The following DERA variants were observed in gnomAD, a reference collection of about 807,000 sequenced individuals.
DERA encodes the protein deoxyribose-phosphate aldolase.
In DERA, 15 loss-of-function variants were observed where a neutral mutation model predicts 41.1. The ratio of observed to expected loss-of-function variants is 0.37; its 90% CI spans 0.24 to 0.56. The LOEUF (loss-of-function observed/expected upper bound fraction) is 0.56, where lower values mean the gene tolerates loss of function less well. Among genes scored for constraint, DERA ranks in the 20% least tolerant of loss-of-function variants. The pLI, the probability that DERA is intolerant of heterozygous loss-of-function variation, is 0.81. For synonymous variants in DERA, 139 were observed against 137.4 expected (o/e 1.01, Z -0.08); for missense variants, 396 against 403.4 (o/e 0.98, Z 0.16).
intron 5 of DERA, among the ~76,000 whole-genome samples, chr12:15,979,062 A>C (rs1948716744): frequency 6.6e-6 from 1 of 152,218 alleles, no homozygotes; most frequent in Admixed American, 6.5e-5. Context: ...TACTCAGGAG[A>C]ATCCACATTT....
At chr12:15,974,158 G>C (rs965023060) in intron 5 of DERA, among the ~76,000 whole-genome samples, 2 of 152,066 alleles carry the variant, frequency 1.3e-5, no homozygotes, top group African/African-American at 4.8e-5. Context: ...AAATACTTCA[G>C]TGTGTATTTC....
rs977435862 is a variant in DERA, at chr12:15,972,806, C to T, written c.509-9502C>T. On this transcript the variant is annotated intron_variant, in intron 5 of 8. Coordinates refer to ENST00000428559, the MANE Select transcript of DERA (RefSeq NM_015954.4). This position sits in a 1 kb window ranked among gnomAD's most constrained non-coding sequence, Gnocchi z 4.4. ...AGGGATCAGTGGGAGTGGTGCGGGA[C>T]TCCACGATCTAGTGCTGGACTTGGA... Among the ~76,000 whole-genome samples, 48 of 152,098 alleles carry T rather than the reference C, an allele frequency of 3.2e-4. No individual in the cohort carries two copies. Among genetic ancestry groups the T allele is most frequent in the African/African-American group, 1.1e-3 (47 of 41,430 alleles).
intron 6 of DERA, among the ~76,000 whole-genome samples, chr12:16,025,253 A>G (rs1008586650): frequency 5.3e-5 from 8 of 152,156 alleles, no homozygotes; most frequent in African/African-American, 1.7e-4. Context: ...AAATATGCCA[A>G]TTAGAAGATA....
intron 6 of DERA, among the ~76,000 whole-genome samples, chr12:16,025,041 A>G (rs1949043978): frequency 6.6e-6 from 1 of 152,088 alleles, no homozygotes; most frequent in African/African-American, 2.4e-5. Flanking sequence ...TGAAAACTCT[A>G]GGGCAGTCAC....
rs1948176304 is a variant in DERA at position 15,913,109 on chromosome 12, G to T, written c.31+1695G>T. Reference sequence around the variant, plus strand: ...TGTGCCCTAAATTTCCCAAAACTTAGACATTTTAAATTTTTCTTTCAAAAA... The same window carrying T: ...TGTGCCCTAAATTTCCCAAAACTTATACATTTTAAATTTTTCTTTCAAAAA... On this transcript the variant is annotated intron_variant, in intron 1 of 8. Coordinates refer to ENST00000428559, the MANE Select transcript of DERA (RefSeq NM_015954.4). The surrounding 1 kb of genome is among the most constrained non-coding windows in gnomAD (Gnocchi z 4.5). 6.6e-6 allele frequency among the ~76,000 whole-genome samples: 1 copy of T among 152,106 alleles called. No homozygotes were observed. Among genetic ancestry groups the T allele is most frequent in the South Asian group, 2.1e-4 (1 of 4,820 alleles).
chr12:15,953,845 A>C (rs1948517299), intron 1 of DERA, among the ~76,000 whole-genome samples: 1 of 152,256 alleles, frequency 6.6e-6, no homozygotes, highest in African/African-American at 2.4e-5. Flanking sequence ...ATGAAATTAA[A>C]GAGTAGCAAA....
At chr12:16,022,606 T>C (rs1410937459) in intron 6 of DERA, among the ~76,000 whole-genome samples, 1 of 152,182 alleles carries the variant, frequency 6.6e-6, no homozygotes. Context: ...GTCACTCCTG[T>C]CCTTAGAGCA....
At chr12:16,023,976 A>G (rs1949036838) in intron 6 of DERA, among the ~76,000 whole-genome samples, 1 of 152,218 alleles carries the variant, frequency 6.6e-6, no homozygotes, top group Non-Finnish European at 1.5e-5. Flanking sequence ...GAAATGCTAG[A>G]AATCAGAAAC....
At chr12:16,027,643 C>T (rs1416127274) in intron 6 of DERA, among the ~76,000 whole-genome samples, 1 of 152,142 alleles carries the variant, frequency 6.6e-6, no homozygotes, top group Non-Finnish European at 1.5e-5. Context: ...CTAGAGTCTC[C>T]ACAGAGAGTA....
chr12:15,914,654 C>T (rs1238140525), intron 1 of DERA, among the ~76,000 whole-genome samples: 3 of 152,180 alleles, frequency 2.0e-5, no homozygotes, highest in Non-Finnish European at 4.4e-5. Context: ...TTGGAGGCGT[C>T]TGGAGAATGC....
In DERA at chr12:15,911,694, G is replaced by T. The variant is rs1186792157; in HGVS notation, c.31+280G>T. ...CCTGCCTTTTCGTTCACTCTAGCTCGCTGGTTGGAAAACCCAACAACCCAA... is the reference window on the plus strand; with the variant it reads ...CCTGCCTTTTCGTTCACTCTAGCTCTCTGGTTGGAAAACCCAACAACCCAA... On this transcript the variant is annotated intron_variant, in intron 1 of 8. Coordinates refer to ENST00000428559, the MANE Select transcript of DERA (RefSeq NM_015954.4). This position sits in a 1 kb window ranked among gnomAD's most constrained non-coding sequence, Gnocchi z 4.5. 3 of 668,948 alleles carry T rather than the reference G, an allele frequency of 4.5e-6. No individual in the cohort carries two copies. The highest frequency in any genetic ancestry group is 2.0e-5 in the Admixed American group (1 of 48,898). The allele number at this position is 668,948 out of a possible 1,614,324, so 41.4% of individuals were successfully genotyped here.
At chr12:15,929,052 G>C (rs755764788) in intron 1 of DERA, among the ~76,000 whole-genome samples, 1 of 152,138 alleles carries the variant, frequency 6.6e-6, no homozygotes, top group Non-Finnish European at 1.5e-5. Context: ...CCAGGGCTTC[G>C]GGTTCAGCTG....
rs780610108 is a variant in DERA at position 15,993,738 on chromosome 12, C to G, written c.637+11302C>G. Among the ~76,000 whole-genome samples the G allele has an allele frequency of 6.6e-5, 10 of 152,038 alleles. No homozygotes were observed. The highest frequency in any genetic ancestry group is 1.3e-4 in the Non-Finnish European group (9 of 68,006). On this transcript the variant is annotated intron_variant, in intron 6 of 8. Transcript: ENST00000428559. This position sits in a 1 kb window ranked among gnomAD's most constrained non-coding sequence, Gnocchi z 4.4. ...CCATGGAATAGATTTAAATTCAGGT[C>G]CCCAAGCAAAAATTTTATAAAGTTT...
rs1200304735 is a variant in DERA, at chr12:15,918,817, G to A, written c.31+7403G>A. Among the ~76,000 whole-genome samples the A allele has an allele frequency of 3.3e-5, 5 of 152,134 alleles. No individual in the cohort carries two copies. Among genetic ancestry groups the A allele is most frequent in the Admixed American group, 2.0e-4 (3 of 15,270 alleles). On this transcript the variant is annotated intron_variant, in intron 1 of 8. Coordinates refer to ENST00000428559, the MANE Select transcript of DERA (RefSeq NM_015954.4). The surrounding 1 kb of genome is among the most constrained non-coding windows in gnomAD (Gnocchi z 4.3). ...AAAGACGAATTCACAGACAGTCCAG[G>A]GAGGGTTTTTTTGGAGAGGATGTTT...
rs191070521 is a variant in DERA at position 16,002,139 on chromosome 12, C to A, written c.637+19703C>A. On this transcript the variant is annotated intron_variant, in intron 6 of 8. Coordinates refer to ENST00000428559, the MANE Select transcript of DERA (RefSeq NM_015954.4). Reference sequence around the variant, plus strand: ...TCTAATGCTATCCCTCCCCCCTCCCCCTTCCCCACAACAGCCCTGGTGTGT... The same window carrying A: ...TCTAATGCTATCCCTCCCCCCTCCCACTTCCCCACAACAGCCCTGGTGTGT... Among the ~76,000 whole-genome samples the A allele has an allele frequency of 4.9e-5, 7 of 142,072 alleles. No individual in the cohort carries two copies. The Admixed American group carries it at 5.0e-4, about 10-fold the overall frequency. The allele number at this position is 142,072 out of a possible 152,430, so 93.2% of individuals were successfully genotyped here. A position where few individuals can be genotyped will look rare whatever the true frequency, so the allele number is the denominator to read the frequency against.
intron 6 of DERA, among the ~76,000 whole-genome samples, chr12:15,991,574 C>G (rs1419340052): frequency 1.3e-5 from 2 of 152,012 alleles, no homozygotes; most frequent in Non-Finnish European, 2.9e-5. Context: ...TATCCAGAAC[C>G]AAGGCAGGAA....
At chr12:15,963,646 A>G (rs1371077507) in intron 5 of DERA, among the ~76,000 whole-genome samples, 1 of 152,228 alleles carries the variant, frequency 6.6e-6, no homozygotes, top group Non-Finnish European at 1.5e-5. Context: ...CAAAAAAGTC[A>G]TTATAATAAA....
At chr12:15,997,892 C>T (rs1023596049) in intron 6 of DERA, among the ~76,000 whole-genome samples, 1 of 152,052 alleles carries the variant, frequency 6.6e-6, no homozygotes, top group Admixed American at 6.6e-5. Flanking sequence ...AATAAACATT[C>T]GAAAGTGAAC....
At chr12:16,030,791 T>C (rs761679534) in intron 6 of DERA, among the ~76,000 whole-genome samples, 7 of 152,226 alleles carry the variant, frequency 4.6e-5, no homozygotes, top group Non-Finnish European at 7.3e-5. Flanking sequence ...TTTTTGTTCA[T>C]TGGTTGCTCT....
Sources: allele counts gnomAD v4.1 joint callset (sites outside exome capture counted in the v4.1 genomes callset), GRCh38; gene constraint gnomAD v4.1.1; non-coding constraint Gnocchi (gnomAD v3.1); transcripts MANE v1.5; gene names NCBI Gene and HGNC (gene_info 2026-07-23, HGNC 2026-07-21).